The following CPNE8 variants were observed in gnomAD, a reference collection of about 807,000 sequenced individuals.
CPNE8 encodes copine-8.
Under a neutral mutation model 81.5 loss-of-function variants are expected in CPNE8, and 45 were observed. The observed-to-expected ratio is 0.55, with a 90% CI of 0.44 to 0.71. The LOEUF (loss-of-function observed/expected upper bound fraction) is 0.71. Ranked by LOEUF, CPNE8 falls within the 30% of genes least tolerant of loss-of-function variation. The probability of loss-of-function intolerance (pLI) is 0.00; values close to 1 mark genes in which losing one functional copy is unlikely to be tolerated. For missense variants in CPNE8, 594 were observed against 672.1 expected, an observed-to-expected ratio of 0.88 and a Z score of 1.28; for synonymous variants, 252 against 226.3, an observed-to-expected ratio of 1.11 and a Z score of -1.02.
At chr12:38,852,894 T>G (rs186871337) in intron 3 of CPNE8, among the ~76,000 whole-genome samples, 1 of 152,114 alleles carries the variant, frequency 6.6e-6, no homozygotes, top group African/African-American at 2.4e-5. Context: ...TGTACCAGAA[T>G]GTAATGATTA....
intron 3 of CPNE8, among the ~76,000 whole-genome samples, chr12:38,851,984 GCTGA>G (rs1377526482): frequency 2.6e-5 from 4 of 152,012 alleles, no homozygotes; most frequent in African/African-American, 7.2e-5. Context: ...TCCTTGAATG[GCTGA>G]CTTTTTCCTC....
chr12:38,771,811 G>A (rs1241147217), intron 7 of CPNE8, among the ~76,000 whole-genome samples: 1 of 152,056 alleles, frequency 6.6e-6, no homozygotes, highest in East Asian at 1.9e-4. Context: ...AAATACACGT[G>A]GGACTGCATC....
rs926258147 is a variant in CPNE8 at position 38,730,291 on chromosome 12, C to T, written c.790G>A (p.Val264Ile). The T allele has an allele frequency of 1.5e-5, 24 of 1,567,540 alleles. No individual in the cohort carries two copies. The highest frequency in any genetic ancestry group is 5.0e-5 in the Admixed American group (3 of 59,468). ...ELSRGQSQFNVYEVVNPKKKG... is the reference protein window; with the variant it reads ...ELSRGQSQFNIYEVVNPKKKG... ...AATAAAATGCCTCTTACCTCATATACGTTGAATTGTGACTGCCCTCTAGAA... is the reference window on the plus strand; with the variant it reads ...AATAAAATGCCTCTTACCTCATATATGTTGAATTGTGACTGCCCTCTAGAA... Residue 264 changes from valine (V) to isoleucine (I), a missense_variant, in exon 11 of 20, where the codon GTA (valine) becomes ATA (isoleucine). By Grantham distance (29) the Val-to-Ile change is conservative. Coordinates refer to ENST00000331366, the MANE Select transcript of CPNE8 (RefSeq NM_153634.3).
intron 14 of CPNE8, among the ~76,000 whole-genome samples, chr12:38,702,153 A>C (rs1939963972): frequency 6.6e-6 from 1 of 152,228 alleles, no homozygotes; most frequent in Admixed American, 6.5e-5. Context: ...AAGAAAAAAA[A>C]GACAAATATA....
chr12:38,876,929 T>C (rs1192845587), intron 1 of CPNE8, among the ~76,000 whole-genome samples: 1 of 152,176 alleles, frequency 6.6e-6, no homozygotes, highest in African/African-American at 2.4e-5. Flanking sequence ...CCCAATATCC[T>C]ATTAGAAGCA....
chr12:38,787,762 A>T lies in CPNE8; in HGVS notation c.408-11461T>A, dbSNP rs148511083. 4.5e-3 allele frequency among the ~76,000 whole-genome samples: 680 copies of T among 151,820 alleles called. 1 individual carries two copies. Among genetic ancestry groups the T allele is most frequent in the Non-Finnish European group, 7.8e-3 (532 of 67,826 alleles). On this transcript the variant is annotated intron_variant, in intron 6 of 19. Transcript: ENST00000331366. ...TAAAATCAGAGATGAAAGACAAGACATTACAACTGATACTGCAGAAATTCA... is the reference window on the plus strand; with the variant it reads ...TAAAATCAGAGATGAAAGACAAGACTTTACAACTGATACTGCAGAAATTCA...
At position 38,776,240 on chromosome 12, in the gene CPNE8, T is replaced by G. The variant is rs1242735670; in HGVS notation, c.469A>C (p.Arg157=). Residue 157 remains arginine, a splice_region_variant and synonymous_variant, in exon 7 of 20, where the codon AGG becomes CGG. Transcript: ENST00000331366. ...ILTAEELNCC[R]DAVLMQFCAN... ...AAACCAAAGAAATATTTACTTACCCTGCAACAGTTTAATTCCTCTGCTGTA... is the reference window on the plus strand; with the variant it reads ...AAACCAAAGAAATATTTACTTACCCGGCAACAGTTTAATTCCTCTGCTGTA... 1 of 1,535,618 alleles carries G rather than the reference T, an allele frequency of 6.5e-7. No individual in the cohort carries two copies. The highest frequency in any genetic ancestry group is 1.8e-5 in the Admixed American group (1 of 57,108).
chr12:38,653,726 A>T lies in CPNE8; in HGVS notation c.*156T>A, dbSNP rs1486869814. On this transcript the variant is annotated 3_prime_UTR_variant, in exon 20 of 20. Coordinates refer to ENST00000331366, the MANE Select transcript of CPNE8 (RefSeq NM_153634.3). ...ACAACCATATTTACAGTTTTGGTTT[A>T]GGAAGATATTTAAATTTGGATCCAA... 9.8e-6 allele frequency: 11 copies of T among 1,119,850 alleles called. No individual in the cohort carries two copies. Among genetic ancestry groups the T allele is most frequent in the South Asian group, 2.3e-5 (1 of 42,746 alleles). The allele number at this position is 1,119,850 out of a possible 1,614,324, so 69.4% of individuals were successfully genotyped here.
chr12:38,715,991 C>T (rs1402626649), intron 13 of CPNE8, among the ~76,000 whole-genome samples: 1 of 151,986 alleles, frequency 6.6e-6, no homozygotes, highest in Non-Finnish European at 1.5e-5. Context: ...CACTGCTGTA[C>T]ACTAACAGTG....
chr12:38,821,864 A>G (rs189829345), intron 6 of CPNE8, among the ~76,000 whole-genome samples: 7 of 152,326 alleles, frequency 4.6e-5, no homozygotes, highest in Admixed American at 3.3e-4. Flanking sequence ...AAAGTGGTTC[A>G]ACTCAACATT....
intron 14 of CPNE8, among the ~76,000 whole-genome samples, chr12:38,698,727 A>T (rs1172231539): frequency 6.6e-6 from 1 of 152,184 alleles, no homozygotes; most frequent in African/African-American, 2.4e-5. Flanking sequence ...TTACTTTTGC[A>T]AACTTGTATC....
chr12:38,883,709 A>G (rs1241845500), intron 1 of CPNE8, among the ~76,000 whole-genome samples: 1 of 152,224 alleles, frequency 6.6e-6, no homozygotes. Flanking sequence ...TCTCAGGCCA[A>G]ATTGTGCCAA....
intron 6 of CPNE8, among the ~76,000 whole-genome samples, chr12:38,787,697 T>A (rs957930424): frequency 2.6e-5 from 4 of 151,390 alleles, no homozygotes; most frequent in Non-Finnish European, 5.9e-5. Context: ...CAACAAACCT[T>A]TAGGCAGACT....
At chr12:38,779,011 C>T (rs891850187) in intron 6 of CPNE8, among the ~76,000 whole-genome samples, 4 of 152,136 alleles carry the variant, frequency 2.6e-5, no homozygotes, top group Admixed American at 6.6e-5. Flanking sequence ...TCGTTTTCAG[C>T]ATCCTTCCAG....
intron 10 of CPNE8, among the ~76,000 whole-genome samples, chr12:38,748,000 G>GT (rs1362178536): frequency 1.3e-5 from 2 of 151,800 alleles, no homozygotes; most frequent in African/African-American, 4.8e-5. Context: ...CAATACTATT[G>GT]TAATTATTTA....
intron 6 of CPNE8, among the ~76,000 whole-genome samples, chr12:38,792,930 T>C (rs1030231164): frequency 1.3e-5 from 2 of 151,880 alleles, no homozygotes; most frequent in Non-Finnish European, 1.5e-5. Context: ...TAGTTCAACA[T>C]ATGAAAATCA....
chr12:38,708,884 A>G (rs141053517), intron 13 of CPNE8, among the ~76,000 whole-genome samples: 1,967 of 152,332 alleles, frequency 0.013, 29 homozygotes, highest in South Asian at 0.042. Context: ...AAACTGTGAT[A>G]GGGATGTGCA....
intron 1 of CPNE8, among the ~76,000 whole-genome samples, chr12:38,884,335 A>C (rs2137127888): frequency 6.6e-6 from 1 of 152,276 alleles, no homozygotes; most frequent in East Asian, 1.9e-4. Flanking sequence ...CAAGTACATG[A>C]TGTTTTGAAG....
At chr12:38,675,347 G>T (rs1872638) in intron 18 of CPNE8, among the ~76,000 whole-genome samples, 4,797 of 152,194 alleles carry the variant, frequency 0.032, 230 homozygotes, top group East Asian at 0.15. Context: ...TCCTTAAAGG[G>T]TTTTAGTGAA....
Sources: allele counts gnomAD v4.1 joint callset (sites outside exome capture counted in the v4.1 genomes callset), GRCh38; gene constraint gnomAD v4.1.1; transcripts MANE v1.5; gene names NCBI Gene and HGNC (gene_info 2026-07-23, HGNC 2026-07-21).